Variants in TTC39B observed in about 807,000 individuals in gnomAD.
TTC39B encodes tetratricopeptide repeat domain 39B, also known as tetratricopeptide repeat protein 39B.
TTC39B carries 92 observed loss-of-function variants against 96.6 expected under a neutral mutation model. The ratio of observed to expected loss-of-function variants is 0.95; its 90% CI spans 0.80 to 1.13. The LOEUF (loss-of-function observed/expected upper bound fraction) is 1.13, where lower values mean the gene tolerates loss of function less well. Ranked by LOEUF, TTC39B falls within the 50% of genes most tolerant of loss-of-function variation. The pLI, the probability that TTC39B is intolerant of heterozygous loss-of-function variation, is 0.00. For synonymous variants in TTC39B, 367 were observed against 299.4 expected (o/e 1.23, Z -2.33); for missense variants, 955 against 809.3 (o/e 1.18, Z -2.18).
At chr9:15,198,213 C>A (rs1381192561) in intron 8 of TTC39B, among the ~76,000 whole-genome samples, 1 of 152,098 alleles carries the variant, frequency 6.6e-6, no homozygotes, top group Admixed American at 6.5e-5. Context: ...AATCCCAGCG[C>A]TTTGGGAGGC....
At chr9:15,307,041 CAGGGCTTCAGGGGCCG>C in intron 1 of TTC39B, 27 bp downstream of exon 1, 1 of 1,598,052 alleles carries the variant, frequency 6.3e-7, no homozygotes, top group Non-Finnish European at 8.5e-7. Context: ...GACTCCTGTC[CAGGGCTTCAGGGGCCG>C]GGCCCGCAAT....
At chr9:15,216,080 T>C (rs1276750418) in intron 3 of TTC39B, among the ~76,000 whole-genome samples, 1 of 152,126 alleles carries the variant, frequency 6.6e-6, no homozygotes, top group Non-Finnish European at 1.5e-5. Flanking sequence ...CTTCTTGTTA[T>C]TCAGATCTAA....
chr9:15,303,833 C>A (rs917483327), intron 1 of TTC39B, among the ~76,000 whole-genome samples: 27 of 152,000 alleles, frequency 1.8e-4, no homozygotes, highest in Admixed American at 1.4e-3. Flanking sequence ...CTGGGTGTCA[C>A]CATGTTGGTC....
At chr9:15,210,673 G>A (rs1820143943) in intron 5 of TTC39B, among the ~76,000 whole-genome samples, 1 of 152,038 alleles carries the variant, frequency 6.6e-6, no homozygotes, top group South Asian at 2.1e-4. Flanking sequence ...ATCTGATCAG[G>A]GTGCTGCAGC....
At chr9:15,225,769 A>C in intron 3 of TTC39B, 148 bp downstream of exon 3, 1 of 488,224 alleles carries the variant, frequency 2.0e-6, no homozygotes, top group Non-Finnish European at 3.3e-6. Context: ...TCCCTGATTT[A>C]TAAAATGGGC....
At chr9:15,301,187 A>T (rs1824574861) in intron 1 of TTC39B, among the ~76,000 whole-genome samples, 1 of 152,178 alleles carries the variant, frequency 6.6e-6, no homozygotes, top group Non-Finnish European at 1.5e-5. Flanking sequence ...TAAACAAGGG[A>T]AGCCAATCAT....
chr9:15,297,088 G>C (rs1824410608), intron 1 of TTC39B, among the ~76,000 whole-genome samples: 1 of 152,198 alleles, frequency 6.6e-6, no homozygotes, highest in South Asian at 2.1e-4. Context: ...ACTCACAGCA[G>C]CTCTCCTGCA....
At chr9:15,289,761 T>C (rs530019978) in intron 1 of TTC39B, among the ~76,000 whole-genome samples, 4 of 152,322 alleles carry the variant, frequency 2.6e-5, no homozygotes, top group African/African-American at 9.6e-5. Context: ...AATGCAACTG[T>C]TTTGCATACT....
rs549552245 is a variant in TTC39B, at chr9:15,240,101, G to A, written c.276-14089C>T. 1.3e-3 allele frequency among the ~76,000 whole-genome samples: 203 copies of A among 152,308 alleles called. 1 individual carries two copies. Among genetic ancestry groups the A allele is most frequent in the African/African-American group, 4.5e-3 (187 of 41,572 alleles). ...GCTGTTCTCATGGCCGATGATCAGA[G>A]GAAGGAGGAGGTGCTGCTGCTGACA... is the stretch of plus-strand genomic sequence containing the variant. On this transcript the variant is annotated intron_variant, in intron 2 of 19. Coordinates refer to ENST00000512701, the Ensembl canonical transcript of TTC39B.
intron 2 of TTC39B, among the ~76,000 whole-genome samples, chr9:15,240,814 A>G (rs1408405973): frequency 1.3e-5 from 2 of 152,200 alleles, no homozygotes; most frequent in Non-Finnish European, 2.9e-5. Context: ...CTACTTTAAA[A>G]AAGTCAGTTC....
intron 1 of TTC39B, among the ~76,000 whole-genome samples, chr9:15,271,006 A>G (rs1823330251): frequency 6.6e-6 from 1 of 152,172 alleles, no homozygotes; most frequent in Admixed American, 6.5e-5. Flanking sequence ...AAGTTAAGCC[A>G]GTTGTAGTTT....
At chr9:15,175,870 T>C (rs1481526524) in intron 18 of TTC39B, among the ~76,000 whole-genome samples, 2 of 152,156 alleles carry the variant, frequency 1.3e-5, no homozygotes, top group African/African-American at 4.8e-5. Context: ...AGACCTCTAT[T>C]TAAAGCTGGG....
chr9:15,304,081 A>G (rs1404228932), intron 1 of TTC39B, among the ~76,000 whole-genome samples: 2 of 152,244 alleles, frequency 1.3e-5, no homozygotes, highest in Admixed American at 1.3e-4. Flanking sequence ...ATTTTCATTC[A>G]ATTCTCAAAT....
intron 7 of TTC39B, among the ~76,000 whole-genome samples, chr9:15,202,211 T>C (rs1206525795): frequency 6.6e-6 from 1 of 152,186 alleles, no homozygotes; most frequent in Non-Finnish European, 1.5e-5. Context: ...GCCAAATCCC[T>C]GTTTGGAAAA....
At chr9:15,197,733 A>G (rs913479958) in intron 8 of TTC39B, among the ~76,000 whole-genome samples, 9 of 152,174 alleles carry the variant, frequency 5.9e-5, no homozygotes, top group Non-Finnish European at 8.8e-5. Flanking sequence ...AAACTAGTCA[A>G]TCTTCAAAAA....
intron 2 of TTC39B, among the ~76,000 whole-genome samples, chr9:15,253,684 T>C (rs1447793558): frequency 1.3e-5 from 2 of 152,230 alleles, no homozygotes; most frequent in Non-Finnish European, 2.9e-5. Context: ...GTATTCTCTT[T>C]CTGGGTCTGT....
intron 1 of TTC39B, among the ~76,000 whole-genome samples, chr9:15,280,987 A>T (rs1823740257): frequency 6.6e-6 from 1 of 152,100 alleles, no homozygotes; most frequent in African/African-American, 2.4e-5. Flanking sequence ...CCCAAACAGT[A>T]TTGAGAAGAA....
At chr9:15,167,959 C>A (rs1298347748) in exon 20 of TTC39B, 1 of 152,112 alleles carries the variant, frequency 6.6e-6, no homozygotes, top group African/African-American at 2.4e-5. Flanking sequence ...ATGACACTGA[C>A]CATCTGCAGA....
chr9:15,215,515 C>T (rs1261029718), intron 3 of TTC39B, among the ~76,000 whole-genome samples: 1 of 151,802 alleles, frequency 6.6e-6, no homozygotes, highest in African/African-American at 2.4e-5. Context: ...CAAGATTGCA[C>T]CACTGTACTC....
Sources: allele counts gnomAD v4.1 joint callset (sites outside exome capture counted in the v4.1 genomes callset), GRCh38; gene constraint gnomAD v4.1.1; transcripts MANE v1.5; gene names NCBI Gene and HGNC (gene_info 2026-07-23, HGNC 2026-07-21).